The following MAP3K4 variants were observed in gnomAD, a reference collection of about 807,000 sequenced individuals.
The protein encoded by MAP3K4 is MAP three kinase 1.
MAP3K4 carries 67 observed loss-of-function variants against 185.6 expected under a neutral mutation model. That is an observed-to-expected ratio of 0.36 (90% CI 0.30 to 0.44). MAP3K4 has a LOEUF of 0.44. Ranked by LOEUF, MAP3K4 falls within the 20% of genes least tolerant of loss-of-function variation. MAP3K4 has a pLI of 1.00. For synonymous variants in MAP3K4, 702 were observed against 710.4 expected (o/e 0.99, Z 0.19); for missense variants, 1,551 against 1,995.1 (o/e 0.78, Z 4.24).
chr6:161,087,658 C>A lies in MAP3K4; in HGVS notation c.2557-30C>A. 1.2e-6 allele frequency: 2 copies of A among 1,610,542 alleles called. No homozygotes were observed. The highest frequency in any genetic ancestry group is 2.2e-5 in the South Asian group (2 of 90,902). On this transcript the variant is annotated intron_variant, in intron 9 of 26. Transcript: ENST00000392142. The surrounding 1 kb of genome is among the most constrained non-coding windows in gnomAD (Gnocchi z 4.9). ...ACCTATTTCTCTAATGTACAGTGTT[C>A]CTTAAGATTTTGGATTATGTCTTTT...
chr6:161,033,857 A>G (rs1191958169), intron 1 of MAP3K4, among the ~76,000 whole-genome samples: 2 of 152,238 alleles, frequency 1.3e-5, no homozygotes, highest in East Asian at 1.9e-4. Context: ...CCACTCATCA[A>G]TTAAGCTGTC....
intron 1 of MAP3K4, among the ~76,000 whole-genome samples, chr6:161,026,313 G>T (rs539379203): frequency 8.6e-4 from 129 of 149,892 alleles, no homozygotes; most frequent in East Asian, 7.3e-3. Context: ...TTTTTTGTAT[G>T]TTTAGTAAAG....
At position 161,086,651 on chromosome 6, in the gene MAP3K4, CA is replaced by C; in HGVS notation, c.2544del (p.Lys848AsnfsTer11). On this transcript the variant is annotated frameshift_variant, in exon 9 of 27. Transcript: ENST00000392142. LOFTEE classifies it high-confidence loss of function. The surrounding 1 kb of genome is among the most constrained non-coding windows in gnomAD (Gnocchi z 4.8). The part of the protein sequence containing the change: ...PVRDLLDVLK[S>X]KQYVKVQIPG... ...AGAGACCTCCTGGATGTTCTGAAAT[CA>C]AAACAGTATGTCAAGGTAAGTACTT... 1 of 1,613,018 alleles carries C rather than the reference CA, an allele frequency of 6.2e-7. No individual in the cohort carries two copies. The highest frequency in any genetic ancestry group is 1.3e-5 in the African/African-American group (1 of 74,990).
At chr6:161,045,663 A>G (rs546125321) in intron 2 of MAP3K4, among the ~76,000 whole-genome samples, 120 of 152,340 alleles carry the variant, frequency 7.9e-4, no homozygotes, top group Non-Finnish European at 1.3e-3. Flanking sequence ...ATCATAGATT[A>G]GAAGAACTTG....
intron 3 of MAP3K4, among the ~76,000 whole-genome samples, chr6:161,052,207 G>A (rs1784035497): frequency 6.8e-6 from 1 of 147,642 alleles, no homozygotes; most frequent in Admixed American, 6.9e-5. Flanking sequence ...GGCTCTTCGT[G>A]GTGATTAACT....
intron 3 of MAP3K4, among the ~76,000 whole-genome samples, chr6:161,058,861 G>T (rs982541828): frequency 6.6e-6 from 1 of 151,722 alleles, no homozygotes; most frequent in Non-Finnish European, 1.5e-5. Context: ...TTTCACTCTT[G>T]ATGGAAATGT....
chr6:161,068,951 C>G (rs1170911173), intron 3 of MAP3K4, among the ~76,000 whole-genome samples: 5 of 152,330 alleles, frequency 3.3e-5, no homozygotes, highest in African/African-American at 1.2e-4. Context: ...GGGGTTTATG[C>G]AAACCTGACT....
chr6:161,060,623 T>C (rs933244866), intron 3 of MAP3K4, among the ~76,000 whole-genome samples: 2 of 147,810 alleles, frequency 1.4e-5, no homozygotes, highest in Non-Finnish European at 1.5e-5. Context: ...TTTTTCTTTT[T>C]TTTTTTTTTT....
Position 161,087,589 on chromosome 6 carries a change from C to T in MAP3K4, c.2557-99C>T, listed in dbSNP as rs1785795907. Reference sequence around the variant, plus strand: ...TCCAATTCATGCCCTTCCCACTTTCCCTTTCCCAAACCTGCCTCTCCTTTC... The same window carrying T: ...TCCAATTCATGCCCTTCCCACTTTCTCTTTCCCAAACCTGCCTCTCCTTTC... On this transcript the variant is annotated intron_variant, in intron 9 of 26. Coordinates refer to ENST00000392142, the MANE Select transcript of MAP3K4 (RefSeq NM_005922.4). The surrounding 1 kb of genome is among the most constrained non-coding windows in gnomAD (Gnocchi z 4.9). The T allele has an allele frequency of 1.5e-6, 2 of 1,292,354 alleles. No individual in the cohort carries two copies. The highest frequency in any genetic ancestry group is 1.5e-5 in the African/African-American group (1 of 68,206). The allele number at this position is 1,292,354 out of a possible 1,614,324, so 80.1% of individuals were successfully genotyped here.
At position 161,090,042 on chromosome 6, in the gene MAP3K4, C is replaced by T. The variant is rs9458118; in HGVS notation, c.2973+571C>T. Among the ~76,000 whole-genome samples, 1,158 of 152,304 alleles carry T rather than the reference C, an allele frequency of 7.6e-3. 7 individuals carry two copies. The highest frequency in any genetic ancestry group is 9.6e-3 in the Non-Finnish European group (650 of 68,020). ...CAGTCTTGATCTCATCCACACTTTT[C>T]CAGGCCATCAGTTATGTCTTCTCAC... On this transcript the variant is annotated intron_variant, in intron 11 of 26. Coordinates refer to ENST00000392142, the MANE Select transcript of MAP3K4 (RefSeq NM_005922.4).
chr6:161,107,870 G>C lies in MAP3K4; in HGVS notation c.4049-29G>C, dbSNP rs1778158716. 3 of 1,575,386 alleles carry C rather than the reference G, an allele frequency of 1.9e-6. No homozygotes were observed. The highest frequency in any genetic ancestry group is 2.7e-5 in the African/African-American group (2 of 74,264). ...GTAAGACAGCCCCCTGCAGTGGCTGGAAGTGCAGCTTGTTTGCATTGTTCA... is the reference window on the plus strand; with the variant it reads ...GTAAGACAGCCCCCTGCAGTGGCTGCAAGTGCAGCTTGTTTGCATTGTTCA... On this transcript the variant is annotated intron_variant, in intron 20 of 26. Transcript: ENST00000392142. The surrounding 1 kb of genome is among the most constrained non-coding windows in gnomAD (Gnocchi z 6.2).
intron 3 of MAP3K4, among the ~76,000 whole-genome samples, chr6:161,060,120 T>C (rs1784420882): frequency 6.6e-6 from 1 of 152,224 alleles, no homozygotes; most frequent in African/African-American, 2.4e-5. Context: ...GATTCCTTAA[T>C]ACATTAAGGG....
chr6:161,093,725 A>G lies in MAP3K4; in HGVS notation c.3349-48A>G, dbSNP rs935545238. 2 of 1,053,374 alleles carry G rather than the reference A, an allele frequency of 1.9e-6. No homozygotes were observed. Among genetic ancestry groups the G allele is most frequent in the African/African-American group, 3.2e-5 (2 of 62,888 alleles). 65.3% of individuals were successfully genotyped at this position (1,053,374 alleles called of 1,614,324 possible). On this transcript the variant is annotated intron_variant, in intron 14 of 26. Coordinates refer to ENST00000392142, the MANE Select transcript of MAP3K4 (RefSeq NM_005922.4). This position sits in a 1 kb window ranked among gnomAD's most constrained non-coding sequence, Gnocchi z 5.2. Reference sequence around the variant, plus strand: ...TTTGTGCTACTTACATAATTAAGAAAGTATGCATGTTTTCTCTTTACCTTT... The same window carrying G: ...TTTGTGCTACTTACATAATTAAGAAGGTATGCATGTTTTCTCTTTACCTTT...
chr6:161,028,922 T>TATTAATAA (rs1250844407), intron 1 of MAP3K4, among the ~76,000 whole-genome samples: 1 of 152,198 alleles, frequency 6.6e-6, no homozygotes, highest in African/African-American at 2.4e-5. Flanking sequence ...ATGGATAACT[T>TATTAATAA]ATTAATAAAT....
In MAP3K4 at chr6:161,097,898, G is replaced by A. The variant is rs1777643171; in HGVS notation, c.3525-380G>A. Among the ~76,000 whole-genome samples the A allele has an allele frequency of 1.3e-5, 2 of 151,698 alleles. No individual in the cohort carries two copies. On this transcript the variant is annotated intron_variant, in intron 16 of 26. Transcript: ENST00000392142. This position sits in a 1 kb window ranked among gnomAD's most constrained non-coding sequence, Gnocchi z 4.9. ...AGCCCAGGAGAACAGCCTGGGCAACGTAGCAAAACATCATCTCTACAAAAA... is the reference window on the plus strand; with the variant it reads ...AGCCCAGGAGAACAGCCTGGGCAACATAGCAAAACATCATCTCTACAAAAA...
intron 3 of MAP3K4, among the ~76,000 whole-genome samples, chr6:161,066,280 G>T (rs1446081580): frequency 6.6e-6 from 1 of 152,060 alleles, no homozygotes; most frequent in African/African-American, 2.4e-5. Flanking sequence ...TCTTAGTGGT[G>T]TTTTGACTAT....
intron 1 of MAP3K4, among the ~76,000 whole-genome samples, chr6:161,030,824 G>A (rs1782892900): frequency 6.6e-6 from 1 of 152,154 alleles, no homozygotes; most frequent in South Asian, 2.1e-4. Context: ...CTGACATGTA[G>A]GTGTTACTAA....
At chr6:161,033,433 A>G (rs1783019438) in intron 1 of MAP3K4, among the ~76,000 whole-genome samples, 1 of 152,232 alleles carries the variant, frequency 6.6e-6, no homozygotes, top group African/African-American at 2.4e-5. Context: ...GAAGTTGGCC[A>G]GGGATAGAGA....
chr6:161,015,560 G>C (rs964848623), intron 1 of MAP3K4, among the ~76,000 whole-genome samples: 1 of 152,104 alleles, frequency 6.6e-6, no homozygotes. Flanking sequence ...ATCACGGTTC[G>C]TCAGGCTGTA....
Sources: gnomAD v4.1 joint callset for allele counts (sites outside exome capture counted in the v4.1 genomes callset) on GRCh38, gnomAD v4.1.1 for gene constraint, Gnocchi (gnomAD v3.1) non-coding constraint, MANE v1.5 for transcripts, NCBI Gene and HGNC (gene_info 2026-07-23, HGNC 2026-07-21) for gene names.